The following HSD17B12 variants were observed in gnomAD, a reference collection of about 807,000 sequenced individuals.
The protein encoded by HSD17B12 is very-long-chain 3-oxoacyl-CoA reductase.
Under a neutral mutation model 39.3 loss-of-function variants are expected in HSD17B12, and 32 were observed. That is an observed-to-expected ratio of 0.81 (90% CI 0.61 to 1.09). The LOEUF (loss-of-function observed/expected upper bound fraction) is 1.09. HSD17B12 is among the 50% of genes least tolerant of loss of function. The pLI is 0.00. For synonymous variants in HSD17B12, 150 were observed against 146.7 expected, an observed-to-expected ratio of 1.02 and a Z score of -0.16; for missense variants, 342 against 382.9, an observed-to-expected ratio of 0.89 and a Z score of 0.89.
chr11:43,634,970 A>G, the HSD17B12 span, among the ~76,000 whole-genome samples: 2 of 152,218 alleles, frequency 1.3e-5, no homozygotes, highest in Non-Finnish European at 2.9e-5. Context: ...TTGGTGTGAT[A>G]ATGCCTTTGT....
chr11:43,691,021 C>T (rs1383011865), intron 1 of HSD17B12, among the ~76,000 whole-genome samples: 1 of 152,192 alleles, frequency 6.6e-6, no homozygotes, highest in Non-Finnish European at 1.5e-5. Context: ...ACTGCATATT[C>T]CCTTCTAGAT....
At chr11:43,578,569 C>T in the HSD17B12 span, among the ~76,000 whole-genome samples, 3 of 152,220 alleles carry the variant, frequency 2.0e-5, no homozygotes, top group Non-Finnish European at 4.4e-5. Context: ...AGCCTCTCGG[C>T]CCACCCCGCG....
At chr11:43,728,104 C>T (rs1291985642) in intron 1 of HSD17B12, among the ~76,000 whole-genome samples, 1 of 151,610 alleles carries the variant, frequency 6.6e-6, no homozygotes, top group African/African-American at 2.4e-5. Flanking sequence ...CTTGCTCTGT[C>T]ACTCAGGCTG....
the HSD17B12 span, among the ~76,000 whole-genome samples, chr11:43,613,004 A>G: frequency 6.6e-6 from 1 of 152,176 alleles, no homozygotes; most frequent in Non-Finnish European, 1.5e-5. Flanking sequence ...GTGAGCTCAG[A>G]AAAGTACCCA....
chr11:43,584,246 A>G, the HSD17B12 span, among the ~76,000 whole-genome samples: 1 of 151,866 alleles, frequency 6.6e-6, no homozygotes, highest in African/African-American at 2.4e-5. Flanking sequence ...TGCCTGTCTC[A>G]GGTTGGAGGC....
chr11:43,721,477 G>C (rs1296187175), intron 1 of HSD17B12, among the ~76,000 whole-genome samples: 1 of 152,096 alleles, frequency 6.6e-6, no homozygotes, highest in Non-Finnish European at 1.5e-5. Context: ...ACATTGGCTG[G>C]GCATGGTGGC....
At chr11:43,844,289 C>T (rs1565110398) in intron 9 of HSD17B12, among the ~76,000 whole-genome samples, 2 of 152,186 alleles carry the variant, frequency 1.3e-5, no homozygotes, top group Non-Finnish European at 2.9e-5. Flanking sequence ...ATCTTTCCCT[C>T]AACTTCTTAA....
At chr11:43,805,899 C>T (rs1319173758) in intron 4 of HSD17B12, among the ~76,000 whole-genome samples, 3 of 152,162 alleles carry the variant, frequency 2.0e-5, no homozygotes, top group Non-Finnish European at 4.4e-5. Flanking sequence ...ATGACACCCT[C>T]GGGTTCAATA....
chr11:43,842,573 G>A (rs565221893), intron 9 of HSD17B12, among the ~76,000 whole-genome samples: 10 of 152,212 alleles, frequency 6.6e-5, no homozygotes, highest in African/African-American at 2.4e-4. Flanking sequence ...TTAGTAATGC[G>A]AATGTTCTAT....
Position 43,839,934 on chromosome 11 carries a change from T to C in HSD17B12, c.619-65T>C. The C allele has an allele frequency of 4.0e-6, 5 of 1,264,836 alleles. No homozygotes were observed. The South Asian group carries it at 6.2e-5, about 16-fold the overall frequency. 78.4% of individuals were successfully genotyped at this position (1,264,836 alleles called of 1,614,324 possible). On this transcript the variant is annotated intron_variant, in intron 8 of 10. Transcript: ENST00000278353. ...TGATTAGTTTATTATTTTGTTTCCA[T>C]GGCTACAAATCAGGCAGATTGATGT...
chr11:43,824,183 AC>A (rs1224112601), intron 6 of HSD17B12, among the ~76,000 whole-genome samples: 1 of 152,164 alleles, frequency 6.6e-6, no homozygotes, highest in Non-Finnish European at 1.5e-5. Flanking sequence ...CTAGATTGCC[AC>A]AGTCCCCACC....
chr11:43,561,705 T>G, the HSD17B12 span, among the ~76,000 whole-genome samples: 2 of 152,178 alleles, frequency 1.3e-5, no homozygotes, highest in Non-Finnish European at 2.9e-5. Flanking sequence ...GAGAAATATT[T>G]AGCTTGGTCT....
the HSD17B12 span, among the ~76,000 whole-genome samples, chr11:43,622,229 A>T: frequency 3.9e-5 from 6 of 152,348 alleles, no homozygotes; most frequent in Admixed American, 3.9e-4. Context: ...AAGGAATTGC[A>T]TCACATGTAC....
At chr11:43,559,289 C>T in the HSD17B12 span, among the ~76,000 whole-genome samples, 1 of 152,196 alleles carries the variant, frequency 6.6e-6, no homozygotes, top group Non-Finnish European at 1.5e-5. Flanking sequence ...ATCTGCTCTC[C>T]ACAGTCCTCC....
chr11:43,613,742 C>T, the HSD17B12 span, among the ~76,000 whole-genome samples: 1 of 151,874 alleles, frequency 6.6e-6, no homozygotes, highest in Non-Finnish European at 1.5e-5. Context: ...TCTTAGCTCA[C>T]TGCAAACTCC....
intron 1 of HSD17B12, among the ~76,000 whole-genome samples, chr11:43,697,828 T>A (rs1949925982): frequency 6.6e-6 from 1 of 152,090 alleles, no homozygotes; most frequent in Non-Finnish European, 1.5e-5. Context: ...ACTAGAGAAA[T>A]GTAGGCAGGG....
At chr11:43,670,812 G>T in the HSD17B12 span, among the ~76,000 whole-genome samples, 2 of 152,132 alleles carry the variant, frequency 1.3e-5, no homozygotes, top group Non-Finnish European at 1.5e-5. Context: ...TTGAGTCCAG[G>T]AGTTCAAGGC....
the HSD17B12 span, among the ~76,000 whole-genome samples, chr11:43,632,657 T>A: frequency 2.0e-5 from 3 of 152,242 alleles, no homozygotes; most frequent in Non-Finnish European, 4.4e-5. Flanking sequence ...GAGAAATGTC[T>A]TTGGATTCCA....
At chr11:43,813,940 T>A (rs898631680) in intron 4 of HSD17B12, among the ~76,000 whole-genome samples, 1 of 152,190 alleles carries the variant, frequency 6.6e-6, no homozygotes, top group Non-Finnish European at 1.5e-5. Context: ...GGCTTATAAT[T>A]AAATATAAAA....
Sources: allele counts gnomAD v4.1 joint callset (sites outside exome capture counted in the v4.1 genomes callset), GRCh38; gene constraint gnomAD v4.1.1; transcripts MANE v1.5; gene names NCBI Gene and HGNC (gene_info 2026-07-23, HGNC 2026-07-21).